Variants in BICC1 observed in about 807,000 individuals in gnomAD.
The protein encoded by BICC1 is BicC family RNA binding protein 1.
A neutral mutation model predicts 111.0 loss-of-function variants in BICC1; 43 were observed. The observed-to-expected ratio is 0.39, with a 90% confidence interval of 0.30 to 0.50. The LOEUF (loss-of-function observed/expected upper bound fraction) is 0.50. Among genes scored for constraint, BICC1 ranks in the 20% least tolerant of loss-of-function variants. The pLI is 0.88. For missense variants in BICC1, 1,091 were observed against 1,203.2 expected, an observed-to-expected ratio of 0.91 and a Z score of 1.38; for synonymous variants, 467 against 434.4, an observed-to-expected ratio of 1.07 and a Z score of -0.93.
At chr10:58,610,376 A>G (rs1417604757) in intron 1 of BICC1, among the ~76,000 whole-genome samples, 1 of 152,188 alleles carries the variant, frequency 6.6e-6, no homozygotes, top group African/African-American at 2.4e-5. Flanking sequence ...ATGCCTTGCA[A>G]TCCACATTTT....
chr10:58,612,267 G>T (rs779424031), intron 1 of BICC1, among the ~76,000 whole-genome samples: 2 of 152,160 alleles, frequency 1.3e-5, no homozygotes, highest in Non-Finnish European at 2.9e-5. Flanking sequence ...ATTCCAAAGT[G>T]CAAGGTATAA....
intron 2 of BICC1, among the ~76,000 whole-genome samples, chr10:58,658,101 T>G (rs1304517183): frequency 6.6e-6 from 1 of 152,200 alleles, no homozygotes; most frequent in African/African-American, 2.4e-5. Flanking sequence ...CCTTTGTAAT[T>G]AATTAGCACC....
intron 2 of BICC1, among the ~76,000 whole-genome samples, chr10:58,662,241 C>CA (rs1838867599): frequency 6.6e-6 from 1 of 152,142 alleles, no homozygotes; most frequent in African/African-American, 2.4e-5. Context: ...ATAAAAATCC[C>CA]AATGGCCTTT....
chr10:58,709,020 A>G (rs1840489240), intron 3 of BICC1, among the ~76,000 whole-genome samples: 1 of 152,214 alleles, frequency 6.6e-6, no homozygotes, highest in Non-Finnish European at 1.5e-5. Context: ...GGTAATTAGC[A>G]TATCCATCAC....
At chr10:58,518,593 G>C (rs61351507) in intron 1 of BICC1, among the ~76,000 whole-genome samples, 5 of 83,550 alleles carry the variant, frequency 6.0e-5, no homozygotes, top group Non-Finnish European at 1.0e-4. Flanking sequence ...TGTGTGTTGG[G>C]GGGGGGGGGG....
intron 3 of BICC1, among the ~76,000 whole-genome samples, chr10:58,757,084 A>G (rs1319009178): frequency 6.6e-6 from 1 of 152,218 alleles, no homozygotes; most frequent in Non-Finnish European, 1.5e-5. Flanking sequence ...ACCGTATGTA[A>G]TTTATAATAC....
chr10:58,793,519 G>A lies in BICC1; in HGVS notation c.1083G>A (p.Lys361=). Residue 361 remains lysine, a synonymous_variant, in exon 9 of 21, where the codon AAG becomes AAA. Coordinates refer to ENST00000373886, the MANE Select transcript of BICC1 (RefSeq NM_001080512.3). ...CLPLVLMFDM[K]EEIEVDPQFI... ...CTCTTGTGTTGATGTTTGATATGAA[G>A]GAAGAAATTGAAGTAGATCCACAAT... The A allele has an allele frequency of 6.2e-7, 1 of 1,612,930 alleles. No individual in the cohort carries two copies. The highest frequency in any genetic ancestry group is 1.3e-5 in the African/African-American group (1 of 74,984).
intron 3 of BICC1, among the ~76,000 whole-genome samples, chr10:58,705,892 T>C (rs775286345): frequency 5.9e-5 from 9 of 152,168 alleles, no homozygotes; most frequent in Non-Finnish European, 1.3e-4. Flanking sequence ...TATTGGAAGG[T>C]TGAGTCATCA....
chr10:58,613,620 T>G (rs554489455), intron 1 of BICC1, among the ~76,000 whole-genome samples: 27 of 152,342 alleles, frequency 1.8e-4, no homozygotes, highest in Admixed American at 3.3e-4. Flanking sequence ...GTTCTTCAGA[T>G]CTAACGGTAG....
chr10:58,523,010 G>T (rs1842434213), intron 1 of BICC1, among the ~76,000 whole-genome samples: 1 of 152,108 alleles, frequency 6.6e-6, no homozygotes, highest in South Asian at 2.1e-4. Flanking sequence ...CCAGGAAGAA[G>T]TTGAATCTCT....
Position 58,797,687 on chromosome 10 carries a change from T to C in BICC1, c.1367-712T>C, listed in dbSNP as rs991240893. Among the ~76,000 whole-genome samples the C allele has an allele frequency of 2.7e-4, 41 of 152,336 alleles. 1 individual carries two copies. The highest frequency in any genetic ancestry group is 2.1e-4 in the South Asian group (1 of 4,826). On this transcript the variant is annotated intron_variant, in intron 10 of 20. Transcript: ENST00000373886. Reference sequence around the variant, plus strand: ...TCATTGCTATACCTATCCTGTTATATACTTTATGCTTTATATGTATTCCTG... The same window carrying C: ...TCATTGCTATACCTATCCTGTTATACACTTTATGCTTTATATGTATTCCTG...
chr10:58,802,291 C>G (rs1036477481), intron 14 of BICC1, among the ~76,000 whole-genome samples: 3 of 152,194 alleles, frequency 2.0e-5, no homozygotes, highest in African/African-American at 7.2e-5. Context: ...TTCATTGTCC[C>G]TCTTTTTGTA....
intron 20 of BICC1, among the ~76,000 whole-genome samples, chr10:58,828,518 G>A (rs547854104): frequency 1.3e-5 from 2 of 152,276 alleles, no homozygotes; most frequent in African/African-American, 4.8e-5. Context: ...GAGTTTATGA[G>A]TTGCAACAAA....
At chr10:58,720,691 G>A (rs1445053063) in intron 3 of BICC1, among the ~76,000 whole-genome samples, 2 of 152,194 alleles carry the variant, frequency 1.3e-5, no homozygotes, top group African/African-American at 4.8e-5. Context: ...AGAGGAGATC[G>A]GTGACAGCCG....
chr10:58,607,926 C>T (rs558682922), intron 1 of BICC1, among the ~76,000 whole-genome samples: 2 of 152,274 alleles, frequency 1.3e-5, no homozygotes, highest in East Asian at 3.9e-4. Flanking sequence ...CAATCTTGAA[C>T]TCGGAGGAAA....
chr10:58,519,240 C>T (rs568170571), intron 1 of BICC1, among the ~76,000 whole-genome samples: 3 of 152,090 alleles, frequency 2.0e-5, no homozygotes, highest in Non-Finnish European at 2.9e-5. Context: ...AGGAAAAAGG[C>T]GGAAGAAGAA....
At chr10:58,752,037 C>T (rs1319521142) in intron 3 of BICC1, among the ~76,000 whole-genome samples, 1 of 152,140 alleles carries the variant, frequency 6.6e-6, no homozygotes, top group Non-Finnish European at 1.5e-5. Flanking sequence ...TATTGAACTT[C>T]TACAGTTTTT....
intron 9 of BICC1, among the ~76,000 whole-genome samples, chr10:58,795,099 C>A (rs976520639): frequency 6.6e-6 from 1 of 151,976 alleles, no homozygotes; most frequent in African/African-American, 2.4e-5. Context: ...ACAAAGTAAA[C>A]AAGGGAGATG....
intron 5 of BICC1, among the ~76,000 whole-genome samples, chr10:58,787,583 A>G (rs1208727355): frequency 2.6e-5 from 4 of 152,192 alleles, no homozygotes; most frequent in Non-Finnish European, 5.9e-5. Context: ...ACCTGTCCTC[A>G]TGCAAGCGGT....
Sources: allele counts gnomAD v4.1 joint callset (sites outside exome capture counted in the v4.1 genomes callset), GRCh38; gene constraint gnomAD v4.1.1; transcripts MANE v1.5; gene names NCBI Gene and HGNC (gene_info 2026-07-23, HGNC 2026-07-21).